The following PCLO variants were observed in gnomAD, a reference collection of about 807,000 sequenced individuals.
PCLO encodes the protein protein piccolo.
Under a neutral mutation model 427.5 loss-of-function variants are expected in PCLO, and 82 were observed. The observed-to-expected ratio is 0.19, with a 90% CI of 0.16 to 0.23. The LOEUF (loss-of-function observed/expected upper bound fraction) is 0.23. PCLO is among the 10% of genes least tolerant of loss of function. The pLI is 1.00. For synonymous variants in PCLO, 2,357 were observed against 2,155.4 expected (o/e 1.09, Z -2.59); for missense variants, 6,239 against 6,115.9 (o/e 1.02, Z -0.67).
At chr7:82,793,006 CT>C (rs367844233) in intron 22 of PCLO, among the ~76,000 whole-genome samples, 51,633 of 147,162 alleles carry the variant, frequency 0.35, 9,213 homozygotes, top group African/African-American at 0.41. Flanking sequence ...TTATTAATTG[CT>C]TTTTTTTTTT....
rs993745411 is a variant in PCLO, at chr7:82,895,424, A to T, written c.13528+7227T>A. Among the ~76,000 whole-genome samples the T allele has an allele frequency of 3.9e-5, 6 of 151,912 alleles. No individual in the cohort carries two copies. The East Asian group carries it at 5.8e-4, about 15-fold the overall frequency. On this transcript the variant is annotated intron_variant, in intron 9 of 24. Coordinates refer to ENST00000333891, the MANE Select transcript of PCLO (RefSeq NM_033026.6). ...TTCACCTTAAGAATCTAGGAGAAAA[A>T]AGCTAACTAACTACAAAATAAATGA...
chr7:83,093,741 C>A (rs1390206530), intron 3 of PCLO, among the ~76,000 whole-genome samples: 1 of 148,304 alleles, frequency 6.7e-6, no homozygotes, highest in Non-Finnish European at 1.5e-5. Flanking sequence ...GATCCGCCAG[C>A]CTCGGCCTCC....
At chr7:82,868,594 G>A (rs540764883) in intron 10 of PCLO, among the ~76,000 whole-genome samples, 1 of 152,270 alleles carries the variant, frequency 6.6e-6, no homozygotes, top group Admixed American at 6.5e-5. Flanking sequence ...TTTCCTCACA[G>A]AATACCTATG....
intron 2 of PCLO, among the ~76,000 whole-genome samples, chr7:83,139,190 TA>T (rs1297466025): frequency 6.6e-6 from 1 of 151,888 alleles, no homozygotes; most frequent in Admixed American, 6.6e-5. Flanking sequence ...TCACAAAAAA[TA>T]AAGTACAATG....
intron 3 of PCLO, among the ~76,000 whole-genome samples, chr7:82,971,596 TATG>T (rs1795907231): frequency 6.8e-6 from 1 of 147,606 alleles, no homozygotes; most frequent in Non-Finnish European, 1.5e-5. Flanking sequence ...ATATAATATA[TATG>T]ATATGATATA....
At chr7:83,044,706 A>C (rs773041069) in intron 3 of PCLO, among the ~76,000 whole-genome samples, 1 of 152,162 alleles carries the variant, frequency 6.6e-6, no homozygotes, top group Admixed American at 6.6e-5. Flanking sequence ...GTAATTTGGA[A>C]CACTAAATTG....
intron 7 of PCLO, among the ~76,000 whole-genome samples, chr7:82,909,900 T>G (rs976406250): frequency 6.6e-6 from 1 of 152,100 alleles, no homozygotes; most frequent in Admixed American, 6.6e-5. Context: ...ATTACTTTTT[T>G]GAAAATGCAA....
intron 3 of PCLO, among the ~76,000 whole-genome samples, chr7:83,113,218 T>C (rs1453505051): frequency 6.6e-6 from 1 of 152,230 alleles, no homozygotes; most frequent in Non-Finnish European, 1.5e-5. Flanking sequence ...GGTTAAACAA[T>C]TTGTTCTAGC....
Position 82,788,461 on chromosome 7 carries a change from G to A in PCLO, c.15007+13057C>T, listed in dbSNP as rs201113254. On this transcript the variant is annotated intron_variant, in intron 22 of 24. Coordinates refer to ENST00000333891, the MANE Select transcript of PCLO (RefSeq NM_033026.6). ...CAAGAAATTCCTTAATGTTCTCAGC[G>A]AACTTTGTGAAATGCATATAGCAAC... 2.7e-4 allele frequency among the ~76,000 whole-genome samples: 41 copies of A among 151,726 alleles called. No individual in the cohort carries two copies. In the East Asian group the frequency reaches 4.4e-3, roughly 16 times the overall value.
At chr7:82,873,630 A>G (rs1262435702) in intron 10 of PCLO, among the ~76,000 whole-genome samples, 1 of 152,180 alleles carries the variant, frequency 6.6e-6, no homozygotes, top group Non-Finnish European at 1.5e-5. Flanking sequence ...ACACTTCCAC[A>G]TAGTAATTGC....
chr7:82,947,036 A>G (rs1795219783), intron 6 of PCLO, among the ~76,000 whole-genome samples: 4 of 152,088 alleles, frequency 2.6e-5, no homozygotes, highest in Non-Finnish European at 5.9e-5. Context: ...TTCTGATTGT[A>G]TTTACAGTAA....
chr7:83,007,576 C>T (rs369910560), intron 3 of PCLO, among the ~76,000 whole-genome samples: 11 of 151,338 alleles, frequency 7.3e-5, no homozygotes, highest in African/African-American at 1.7e-4. Flanking sequence ...TTAAAAATTA[C>T]GATGATAAGA....
Position 83,134,581 on chromosome 7 carries a change from G to A in PCLO, c.2969C>T (p.Pro990Leu). The A allele has an allele frequency of 6.2e-7, 1 of 1,613,866 alleles. No individual in the cohort carries two copies. The highest frequency in any genetic ancestry group is 8.5e-7 in the Non-Finnish European group (1 of 1,179,874). The change falls in exon 3 of 25, where the codon CCT becomes CTT. Residue 990 changes from proline to leucine, a missense_variant. Around this residue, in one of 5 missense-constraint regions of PCLO, gnomAD observed 4,677 missense variants for 4,468.4 expected, o/e 1.05. Coordinates refer to ENST00000333891, the MANE Select transcript of PCLO (RefSeq NM_033026.6). ...PKSTGQAPPA[P>L]AKSIPVKKET... ...CTTTTTCACAGGTATACTTTTTGCA[G>A]GTGCTGGTGGTGCTTGACCTGTGGA...
In PCLO at chr7:82,770,024, G is replaced by T. The variant is rs184089220; in HGVS notation, c.15008-8531C>A. Among the ~76,000 whole-genome samples, 86 of 152,192 alleles carry T rather than the reference G, an allele frequency of 5.7e-4. 1 individual carries two copies. The East Asian group carries it at 0.014, about 24-fold the overall frequency. ...AGTCATTATGGAAAGTCTTATTAATGCCCTACTAGCTGTTAATAGCCAAAG... is the reference window on the plus strand; with the variant it reads ...AGTCATTATGGAAAGTCTTATTAATTCCCTACTAGCTGTTAATAGCCAAAG... On this transcript the variant is annotated intron_variant, in intron 22 of 24. Coordinates refer to ENST00000333891, the MANE Select transcript of PCLO (RefSeq NM_033026.6).
chr7:82,963,124 T>C (rs1795689277), intron 4 of PCLO, among the ~76,000 whole-genome samples: 1 of 152,046 alleles, frequency 6.6e-6, no homozygotes, highest in South Asian at 2.1e-4. Context: ...AAACAATACC[T>C]GTTTCTTTGA....
chr7:82,796,589 T>C, intron 22 of PCLO, among the ~76,000 whole-genome samples: 1 of 152,128 alleles, frequency 6.6e-6, no homozygotes. Flanking sequence ...GATGCTGCCA[T>C]GCTTTTCAAT....
chr7:82,774,909 C>T (rs1220716540), intron 22 of PCLO, among the ~76,000 whole-genome samples: 6 of 152,204 alleles, frequency 3.9e-5, no homozygotes, highest in Admixed American at 3.9e-4. Flanking sequence ...TTCCTTCTCC[C>T]CGCTAAACCC....
intron 3 of PCLO, among the ~76,000 whole-genome samples, chr7:83,012,374 T>A (rs1223634491): frequency 6.6e-6 from 1 of 151,870 alleles, no homozygotes; most frequent in Non-Finnish European, 1.5e-5. Flanking sequence ...TCCCAGCACT[T>A]TGGGAGGCCG....
chr7:83,023,499 T>TA (rs1788397338), intron 3 of PCLO, among the ~76,000 whole-genome samples: 2 of 152,194 alleles, frequency 1.3e-5, no homozygotes, highest in Admixed American at 6.5e-5. Flanking sequence ...GATTGGGAAT[T>TA]AGAGAACCAT....
Sources: allele counts gnomAD v4.1 joint callset (sites outside exome capture counted in the v4.1 genomes callset), GRCh38; gene constraint gnomAD v4.1.1; regional missense constraint gnomAD v4.1.1; transcripts MANE v1.5; gene names NCBI Gene and HGNC (gene_info 2026-07-23, HGNC 2026-07-21).